The following ABCG1 variants were observed in gnomAD, a reference collection of about 807,000 sequenced individuals.
ABCG1 encodes the protein ATP binding cassette subfamily G member 1, also known as ATP-binding cassette sub-family G member 1.
A neutral mutation model predicts 69.2 loss-of-function variants in ABCG1; 29 were observed. The ratio of observed to expected loss-of-function variants is 0.42; its 90% CI spans 0.31 to 0.57. The LOEUF (loss-of-function observed/expected upper bound fraction) is 0.57, where lower values mean the gene tolerates loss of function less well. Among genes scored for constraint, ABCG1 ranks in the 20% least tolerant of loss-of-function variants. The pLI, the probability that ABCG1 is intolerant of heterozygous loss-of-function variation, is 0.15. For missense variants in ABCG1, 718 were observed against 898.1 expected (o/e 0.80, Z 2.56); for synonymous variants, 370 against 374.8 (o/e 0.99, Z 0.15).
chr21:42,263,500 G>C (rs1168200194), intron 2 of ABCG1, among the ~76,000 whole-genome samples: 3 of 152,170 alleles, frequency 2.0e-5, no homozygotes, highest in Non-Finnish European at 4.4e-5. Flanking sequence ...GTTCGATCTG[G>C]AAAAGCATGT....
rs1270862650 is a variant in ABCG1, at chr21:42,219,159, C to G, written c.-104C>G. 4.7e-6 allele frequency: 5 copies of G among 1,072,866 alleles called. No homozygotes were observed. The highest frequency in any genetic ancestry group is 5.8e-6 in the Non-Finnish European group (5 of 857,096). The allele number at this position is 1,072,866 out of a possible 1,614,324, so 66.5% of individuals were successfully genotyped here. A position where few individuals can be genotyped will look rare whatever the true frequency, so the allele number is the denominator to read the frequency against. Reference sequence around the variant, plus strand: ...CCAGCCGGAGCCCAAGCGCAGCCCGCACCCCGCGCAGCGGCTGAGCCGGGA... The same window carrying G: ...CCAGCCGGAGCCCAAGCGCAGCCCGGACCCCGCGCAGCGGCTGAGCCGGGA... On this transcript the variant is annotated 5_prime_UTR_variant, in exon 1 of 15. Transcript: ENST00000398449. This position sits in a 1 kb window ranked among gnomAD's most constrained non-coding sequence, Gnocchi z 5.3.
chr21:42,211,887 T>C (rs575033912), upstream of ABCG1, among the ~76,000 whole-genome samples: 8 of 152,020 alleles, frequency 5.3e-5, no homozygotes, highest in Non-Finnish European at 1.2e-4. Context: ...AGACTCTGTC[T>C]TAAAAACAAA....
In ABCG1 at chr21:42,233,332, G is replaced by A. The variant is rs575088824; in HGVS notation, c.286+7418G>A. Among the ~76,000 whole-genome samples, 4 of 152,272 alleles carry A rather than the reference G, an allele frequency of 2.6e-5. No homozygotes were observed. In the South Asian group the frequency reaches 6.2e-4, roughly 24 times the overall value. ...CCAAATCTTGGAGCCAAAAGGAGTC[G>A]TGCTGCCGTAGCCCGCCCTCCTGCC... On this transcript the variant is annotated intron_variant, in intron 2 of 14. Transcript: ENST00000398449.
chr21:42,264,283 G>A (rs1275348455), intron 2 of ABCG1, among the ~76,000 whole-genome samples: 2 of 152,174 alleles, frequency 1.3e-5, no homozygotes, highest in Non-Finnish European at 2.9e-5. Flanking sequence ...CTGAAGGAGG[G>A]GATAACTCAG....
At chr21:42,239,273 A>C (rs543523005) in intron 2 of ABCG1, among the ~76,000 whole-genome samples, 41 of 152,344 alleles carry the variant, frequency 2.7e-4, no homozygotes, top group Non-Finnish European at 4.4e-4. Flanking sequence ...TATCCATCTT[A>C]TTAGATCAAA....
chr21:42,296,367 G>A lies in ABCG1; in HGVS notation c.1976G>A (p.Arg659Lys), dbSNP rs773867647. ...SLRLIAYFVL[R>K]YKIRAER The stretch of plus-strand genomic sequence containing the variant: ...CGCCTCATTGCCTATTTTGTCCTCA[G>A]GTACAAAATCCGGGCAGAGAGGTAA... Residue 659 changes from arginine (R) to lysine (K), a missense_variant, in exon 15 of 15, where the codon AGG becomes AAG. Physicochemically the swap from Arg to Lys is conservative, Grantham distance 26. Coordinates refer to ENST00000398449, the MANE Select transcript of ABCG1 (RefSeq NM_016818.3). This position sits in a 1 kb window ranked among gnomAD's most constrained non-coding sequence, Gnocchi z 5.4. The A allele has an allele frequency of 6.2e-7, 1 of 1,613,824 alleles. No homozygotes were observed. The highest frequency in any genetic ancestry group is 1.3e-5 in the African/African-American group (1 of 74,858).
intron 2 of ABCG1, chr21:42,256,481 C>G: frequency 6.5e-7 from 1 of 1,550,134 alleles, no homozygotes; most frequent in Non-Finnish European, 8.7e-7. Flanking sequence ...GGTGTACTGG[C>G]TACAGATGGC....
rs1279190693 is a variant in ABCG1 at position 42,291,129 on chromosome 21, G to A, written c.1431G>A (p.Leu477=). 1 of 1,614,174 alleles carries A rather than the reference G, an allele frequency of 6.2e-7. No homozygotes were observed. The highest frequency in any genetic ancestry group is 1.7e-5 in the Admixed American group (1 of 60,030). The change falls in exon 12 of 15, where the codon CTG becomes CTA. Residue 477 remains leucine (L), a synonymous_variant. Transcript: ENST00000398449. The surrounding 1 kb of genome is among the most constrained non-coding windows in gnomAD (Gnocchi z 6.4). ...LEMGVFLREH[L]NYWYSLKAYY... ...TGGGAGTCTTTCTTCGGGAACACCTGAACTACTGGTACAGCCTGAAGGCCT... is the reference window on the plus strand; with the variant it reads ...TGGGAGTCTTTCTTCGGGAACACCTAAACTACTGGTACAGCCTGAAGGCCT...
upstream of ABCG1, among the ~76,000 whole-genome samples, chr21:42,214,952 C>T (rs2067624043): frequency 6.6e-6 from 1 of 152,168 alleles, no homozygotes; most frequent in African/African-American, 2.4e-5. Context: ...TGTTTTCCTC[C>T]ATGAAATGGG....
At chr21:42,232,159 A>C (rs920990488) in intron 2 of ABCG1, among the ~76,000 whole-genome samples, 1 of 152,226 alleles carries the variant, frequency 6.6e-6, no homozygotes, top group Non-Finnish European at 1.5e-5. Flanking sequence ...GAGGCTTTGA[A>C]AAAATTTTGA....
chr21:42,234,677 G>A (rs982290715), intron 2 of ABCG1, among the ~76,000 whole-genome samples: 2 of 152,228 alleles, frequency 1.3e-5, no homozygotes, highest in Non-Finnish European at 1.5e-5. Flanking sequence ...TCTCCATACT[G>A]AGTAAAAAAG....
chr21:42,271,042 A>T (rs772797947), intron 2 of ABCG1, 28 bp from the exon 3 acceptor site: 1 of 1,382,974 alleles, frequency 7.2e-7, no homozygotes. Flanking sequence ...AAATGAAATG[A>T]ATATGAATAT....
chr21:42,210,739 T>A lies in ABCG1; in HGVS notation c.48+9016T>A, dbSNP rs200383215. 5.3e-5 allele frequency among the ~76,000 whole-genome samples: 8 copies of A among 150,250 alleles called. No individual in the cohort carries two copies. The South Asian group carries it at 6.5e-4, about 12-fold the overall frequency. On this transcript the variant is annotated intron_variant, in intron 2 of 15. Coordinates refer to the ABCG1 transcript ENST00000398457. Reference sequence around the variant, plus strand: ...CCCCTCCCTCCACCCTGCACCTCCCTGCCTCCTTGATTTCCCTCATCTCAT... The same window carrying A: ...CCCCTCCCTCCACCCTGCACCTCCCAGCCTCCTTGATTTCCCTCATCTCAT...
intron 2 of ABCG1, among the ~76,000 whole-genome samples, chr21:42,233,061 C>T (rs1196533086): frequency 2.6e-5 from 4 of 152,146 alleles, no homozygotes; most frequent in African/African-American, 7.2e-5. Flanking sequence ...TACCCAGTGC[C>T]GACTGTTTTT....
In ABCG1 at chr21:42,219,764, A is replaced by C; in HGVS notation, c.42+460A>C. 7.2e-7 allele frequency: 1 copy of C among 1,382,168 alleles called. No individual in the cohort carries two copies. The allele number at this position is 1,382,168 out of a possible 1,614,324, so 85.6% of individuals were successfully genotyped here. ...ACCGGGGACTTCTCGCGCCATCCCCAGGAACGCCAGGCAAGGTCTGGGGGA... is the reference window on the plus strand; with the variant it reads ...ACCGGGGACTTCTCGCGCCATCCCCCGGAACGCCAGGCAAGGTCTGGGGGA... On this transcript the variant is annotated intron_variant, in intron 1 of 14. Transcript: ENST00000398449. The surrounding 1 kb of genome is among the most constrained non-coding windows in gnomAD (Gnocchi z 5.3).
intron 2 of ABCG1, among the ~76,000 whole-genome samples, chr21:42,254,927 T>C (rs987974634): frequency 3.3e-5 from 5 of 152,090 alleles, no homozygotes; most frequent in African/African-American, 1.2e-4. Context: ...CGGCTTTGGG[T>C]GGGGAAACTG....
intron 14 of ABCG1, chr21:42,294,887 G>T: frequency 1.9e-6 from 1 of 522,802 alleles, no homozygotes; most frequent in East Asian, 3.4e-5. Flanking sequence ...CTTCACACCC[G>T]GAGAGCCATG....
chr21:42,219,848 C>A lies in ABCG1; in HGVS notation c.42+544C>A. 1.3e-6 allele frequency: 2 copies of A among 1,510,042 alleles called. No individual in the cohort carries two copies. Among genetic ancestry groups the A allele is most frequent in the South Asian group, 1.3e-5 (1 of 79,522 alleles). The allele number at this position is 1,510,042 out of a possible 1,614,324, so 93.5% of individuals were successfully genotyped here. A position where few individuals can be genotyped will look rare whatever the true frequency, so the allele number is the denominator to read the frequency against. On this transcript the variant is annotated intron_variant, in intron 1 of 14. Coordinates refer to ENST00000398449, the MANE Select transcript of ABCG1 (RefSeq NM_016818.3). The surrounding 1 kb of genome is among the most constrained non-coding windows in gnomAD (Gnocchi z 5.3). ...CCTGCGACTGCACTCCCGGGGACAC[C>A]CTCTCCCGGACCCACTCGGGGAGGC...
chr21:42,205,456 G>T (rs1247067312), intron 2 of ABCG1, among the ~76,000 whole-genome samples: 1 of 152,032 alleles, frequency 6.6e-6, no homozygotes, highest in East Asian at 1.9e-4. Context: ...AAAATTAGCT[G>T]GGTGTGGTGG....
Sources: gnomAD v4.1 joint callset for allele counts (sites outside exome capture counted in the v4.1 genomes callset) on GRCh38, gnomAD v4.1.1 for gene constraint, Gnocchi (gnomAD v3.1) non-coding constraint, MANE v1.5 for transcripts, NCBI Gene and HGNC (gene_info 2026-07-23, HGNC 2026-07-21) for gene names.